NLGN1: variants seen among roughly 807,000 people sequenced by gnomAD.
NLGN1 encodes the protein neuroligin 1.
Under a neutral mutation model 65.5 loss-of-function variants are expected in NLGN1, and 12 were observed. The ratio of observed to expected loss-of-function variants is 0.18; its 90% CI spans 0.12 to 0.30. NLGN1 has a LOEUF of 0.30. Ranked by LOEUF, NLGN1 falls within the 10% of genes least tolerant of loss-of-function variation. The pLI is 1.00. For synonymous variants in NLGN1, 350 were observed against 359.5 expected (o/e 0.97, Z 0.30); for missense variants, 750 against 1,007.1 (o/e 0.74, Z 3.46).
At chr3:174,040,013 G>A (rs775810692) in intron 4 of NLGN1, among the ~76,000 whole-genome samples, 1 of 152,152 alleles carries the variant, frequency 6.6e-6, no homozygotes, top group Non-Finnish European at 1.5e-5. Context: ...TGATCTTTGT[G>A]AGGCCAATAT....
At chr3:174,249,241 C>T (rs902482699) in intron 4 of NLGN1, among the ~76,000 whole-genome samples, 2 of 152,154 alleles carry the variant, frequency 1.3e-5, no homozygotes, top group African/African-American at 2.4e-5. Context: ...GCATTTATTC[C>T]TACATTTTCA....
chr3:174,002,565 G>T (rs291934), intron 4 of NLGN1, among the ~76,000 whole-genome samples: 144,927 of 152,306 alleles, frequency 0.95, 69,052 homozygotes, highest in East Asian at 1. Flanking sequence ...CTTCTCAGAT[G>T]ATTCTAGTGG....
intron 4 of NLGN1, among the ~76,000 whole-genome samples, chr3:174,031,691 TATCTC>T (rs1251171065): frequency 1.3e-5 from 2 of 152,140 alleles, no homozygotes; most frequent in Admixed American, 1.3e-4. Flanking sequence ...GTTCAAGAAA[TATCTC>T]AGAAAGAACA....
At chr3:174,177,975 G>A (rs1461126512) in intron 4 of NLGN1, among the ~76,000 whole-genome samples, 1 of 152,074 alleles carries the variant, frequency 6.6e-6, no homozygotes, top group Non-Finnish European at 1.5e-5. Flanking sequence ...GGTGTGAGAT[G>A]AATTCTTAGC....
chr3:173,829,726 A>G (rs976859145), intron 4 of NLGN1, among the ~76,000 whole-genome samples: 2 of 152,166 alleles, frequency 1.3e-5, no homozygotes, highest in Non-Finnish European at 2.9e-5. Flanking sequence ...CATTTGACCA[A>G]CATCTGTGCT....
At chr3:173,495,862 G>A (rs1241594149) in intron 2 of NLGN1, among the ~76,000 whole-genome samples, 1 of 151,570 alleles carries the variant, frequency 6.6e-6, no homozygotes, top group Admixed American at 6.6e-5. Flanking sequence ...CATGAAGTTT[G>A]TGTTTCCTAG....
Position 174,116,330 on chromosome 3 carries a change from C to CTTTTTTTTTTTTTTTTTTTTTTTTTT in NLGN1, c.647-158983_647-158958dup, listed in dbSNP as rs1168837585. On this transcript the variant is annotated intron_variant, in intron 4 of 6. Coordinates refer to ENST00000457714, the Ensembl canonical transcript of NLGN1. ...ACATGTAAGTTTTTTTCTGGGTTTT[C>CTTTTTTTTTTTTTTTTTTTTTTTTTT]TTTTTTTTTTTTTTTTTTTTTTTTT... is the stretch of plus-strand genomic sequence containing the variant. Among the ~76,000 whole-genome samples the CTTTTTTTTTTTTTTTTTTTTTTTTTT allele has an allele frequency of 2.0e-4, 14 of 69,634 alleles. 7 individuals carry two copies. Among genetic ancestry groups the CTTTTTTTTTTTTTTTTTTTTTTTTTT allele is most frequent in the South Asian group, 1.1e-3 (2 of 1,854 alleles). 45.7% of individuals were successfully genotyped at this position (69,634 alleles called of 152,430 possible). A position where few individuals can be genotyped will look rare whatever the true frequency, so the allele number is the denominator to read the frequency against.
chr3:173,586,755 A>G (rs2149383117), intron 2 of NLGN1, among the ~76,000 whole-genome samples: 1 of 152,238 alleles, frequency 6.6e-6, no homozygotes, highest in African/African-American at 2.4e-5. Flanking sequence ...TGTTAGTTTT[A>G]AGGCGATATC....
At chr3:174,024,608 G>A (rs9870143) in intron 4 of NLGN1, among the ~76,000 whole-genome samples, 40,527 of 151,968 alleles carry the variant, frequency 0.27, 6,453 homozygotes, top group African/African-American at 0.44. Flanking sequence ...TTTCTGAAAA[G>A]AATAACATAA....
At chr3:174,214,104 T>C (rs1737178232) in intron 4 of NLGN1, among the ~76,000 whole-genome samples, 1 of 152,148 alleles carries the variant, frequency 6.6e-6, no homozygotes, top group African/African-American at 2.4e-5. Context: ...AGCTGTAGTT[T>C]TGTATATTTT....
intron 4 of NLGN1, among the ~76,000 whole-genome samples, chr3:174,218,243 C>T (rs1393445814): frequency 2.0e-5 from 3 of 151,948 alleles, no homozygotes; most frequent in Admixed American, 2.0e-4. Flanking sequence ...TACCCTTTAC[C>T]TTCCCAAGAG....
At chr3:174,253,285 A>G (rs557535649) in intron 4 of NLGN1, among the ~76,000 whole-genome samples, 14 of 152,314 alleles carry the variant, frequency 9.2e-5, no homozygotes, top group Middle Eastern at 6.8e-3. Flanking sequence ...TCTTTACAGT[A>G]AAGTGCTGGA....
chr3:173,544,729 T>C (rs911499615), intron 2 of NLGN1, among the ~76,000 whole-genome samples: 3 of 152,048 alleles, frequency 2.0e-5, no homozygotes, highest in African/African-American at 7.2e-5. Flanking sequence ...TTTCAGTACA[T>C]AGGTGGCAAA....
intron 2 of NLGN1, among the ~76,000 whole-genome samples, chr3:173,511,642 T>C (rs1732995059): frequency 6.6e-6 from 1 of 152,168 alleles, no homozygotes; most frequent in African/African-American, 2.4e-5. Context: ...TTCTTGAATA[T>C]TCTGCTTTGT....
chr3:174,175,805 G>A (rs1729343167), intron 4 of NLGN1, among the ~76,000 whole-genome samples: 1 of 151,928 alleles, frequency 6.6e-6, no homozygotes, highest in Non-Finnish European at 1.5e-5. Context: ...CTGGTATTTA[G>A]TTAAGAGCTA....
intron 3 of NLGN1, among the ~76,000 whole-genome samples, chr3:173,632,426 A>G (rs952172111): frequency 6.6e-6 from 1 of 152,162 alleles, no homozygotes; most frequent in African/African-American, 2.4e-5. Flanking sequence ...ATTTTGGTGC[A>G]TCCAAATCTG....
At chr3:173,603,748 C>T (rs1341757101) in intron 2 of NLGN1, among the ~76,000 whole-genome samples, 1 of 152,036 alleles carries the variant, frequency 6.6e-6, no homozygotes, top group Non-Finnish European at 1.5e-5. Flanking sequence ...TAGCTGAACT[C>T]ATATGAATTT....
intron 2 of NLGN1, among the ~76,000 whole-genome samples, chr3:173,494,213 A>G (rs1482693378): frequency 2.0e-5 from 3 of 150,870 alleles, no homozygotes; most frequent in Non-Finnish European, 4.4e-5. Flanking sequence ...TGTTCTGTTT[A>G]GTTTTAGCCA....
At chr3:173,783,396 C>T (rs1053844276) in intron 3 of NLGN1, among the ~76,000 whole-genome samples, 9 of 152,160 alleles carry the variant, frequency 5.9e-5, no homozygotes, top group African/African-American at 2.2e-4. Context: ...CTGAGACTTT[C>T]ACTCTCCCTG....
Sources: gnomAD v4.1 joint callset for allele counts (sites outside exome capture counted in the v4.1 genomes callset) on GRCh38, gnomAD v4.1.1 for gene constraint, MANE v1.5 for transcripts, NCBI Gene and HGNC (gene_info 2026-07-23, HGNC 2026-07-21) for gene names.